The following FAF1 variants were observed in gnomAD, a reference collection of about 807,000 sequenced individuals.
FAF1 encodes the protein Fas associated factor 1.
A neutral mutation model predicts 92.5 loss-of-function variants in FAF1; 25 were observed. The ratio of observed to expected loss-of-function variants is 0.27; its 90% CI spans 0.20 to 0.38. The LOEUF is 0.38. FAF1 is among the 10% of genes least tolerant of loss of function. The pLI is 1.00. For synonymous variants in FAF1, 234 were observed against 273.2 expected (o/e 0.86, Z 1.42); for missense variants, 636 against 793.3 (o/e 0.80, Z 2.38).
chr1:50,618,215 T>C (rs1358776883), intron 8 of FAF1, among the ~76,000 whole-genome samples: 1 of 152,100 alleles, frequency 6.6e-6, no homozygotes, highest in Non-Finnish European at 1.5e-5. Context: ...TCTTTTAGTT[T>C]TTTTAGGTTT....
chr1:50,830,658 ATT>A lies in FAF1; in HGVS notation c.114+27269_114+27270del, dbSNP rs59396661. Among the ~76,000 whole-genome samples the A allele has an allele frequency of 8.6e-3, 1,231 of 143,760 alleles. 14 individuals are homozygous for A. Among genetic ancestry groups the A allele is most frequent in the African/African-American group, 0.029 (1,161 of 39,640 alleles). The allele number at this position is 143,760 out of a possible 152,430, so 94.3% of individuals were successfully genotyped here. On this transcript the variant is annotated intron_variant, in intron 2 of 18. Transcript: ENST00000396153. Reference sequence around the variant, plus strand: ...ATACTGTGGCTTCCTCCAGTGCTCAATTTTTTTTTTTTTTTTACCAACTCCAA... The same window carrying A: ...ATACTGTGGCTTCCTCCAGTGCTCAATTTTTTTTTTTTTTACCAACTCCAA...
chr1:50,552,917 A>AAG (rs1306504406), intron 13 of FAF1, among the ~76,000 whole-genome samples: 1 of 152,146 alleles, frequency 6.6e-6, no homozygotes, highest in Non-Finnish European at 1.5e-5. Flanking sequence ...GTTTATTTAA[A>AAG]AGAGAGAGAG....
At chr1:50,533,214 G>C (rs940461189) in intron 15 of FAF1, among the ~76,000 whole-genome samples, 1 of 151,892 alleles carries the variant, frequency 6.6e-6, no homozygotes, top group Non-Finnish European at 1.5e-5. Flanking sequence ...TGGGACTACA[G>C]GCACGCAACA....
chr1:50,902,560 C>T (rs185083070), intron 1 of FAF1, among the ~76,000 whole-genome samples: 2 of 152,140 alleles, frequency 1.3e-5, no homozygotes, highest in African/African-American at 4.8e-5. Flanking sequence ...CCTAAACTCA[C>T]CTCCCTTTAT....
At chr1:50,661,861 C>T (rs1655392816) in intron 7 of FAF1, among the ~76,000 whole-genome samples, 3 of 150,798 alleles carry the variant, frequency 2.0e-5, no homozygotes. Flanking sequence ...GCCTTCTTTT[C>T]CTCTTGTTTT....
chr1:50,729,342 AC>A (rs1658823013), intron 6 of FAF1, among the ~76,000 whole-genome samples: 2 of 151,790 alleles, frequency 1.3e-5, no homozygotes, highest in Admixed American at 6.6e-5. Context: ...GGTGTGAGCC[AC>A]CACGCCCGGC....
At chr1:50,907,491 T>C (rs868212095) in intron 1 of FAF1, among the ~76,000 whole-genome samples, 23 of 152,280 alleles carry the variant, frequency 1.5e-4, no homozygotes, top group African/African-American at 3.4e-4. Context: ...TAGAATTCGG[T>C]TGTGAATCCA....
chr1:50,906,011 C>G (rs539131309), intron 1 of FAF1, among the ~76,000 whole-genome samples: 132 of 152,186 alleles, frequency 8.7e-4, no homozygotes, highest in Non-Finnish European at 1.3e-3. Context: ...TATGGTTTTA[C>G]GTCTAACATT....
intron 15 of FAF1, among the ~76,000 whole-genome samples, chr1:50,502,934 C>T (rs1455278049): frequency 6.6e-6 from 1 of 151,262 alleles, no homozygotes; most frequent in African/African-American, 2.4e-5. Context: ...ATTTTTTTTT[C>T]CTGCCTCAGC....
intron 7 of FAF1, among the ~76,000 whole-genome samples, chr1:50,658,141 A>T (rs1655208678): frequency 6.6e-6 from 1 of 152,230 alleles, no homozygotes; most frequent in Admixed American, 6.5e-5. Context: ...GATGAAGGAT[A>T]GAAGAGGGAG....
intron 18 of FAF1, among the ~76,000 whole-genome samples, chr1:50,466,759 C>A (rs542949901): frequency 6.6e-6 from 1 of 152,112 alleles, no homozygotes; most frequent in Non-Finnish European, 1.5e-5. Context: ...TTTTATATAT[C>A]CTGTCCCCAA....
chr1:50,679,891 T>C (rs1359410786), intron 7 of FAF1, among the ~76,000 whole-genome samples: 1 of 152,180 alleles, frequency 6.6e-6, no homozygotes, highest in African/African-American at 2.4e-5. Flanking sequence ...ATAACAATAC[T>C]ACATAAATTC....
At chr1:50,498,129 CAA>C (rs1460852648) in intron 15 of FAF1, among the ~76,000 whole-genome samples, 1 of 152,016 alleles carries the variant, frequency 6.6e-6, no homozygotes, top group Non-Finnish European at 1.5e-5. Flanking sequence ...GATTGATCTT[CAA>C]CAAGGGTGGC....
intron 7 of FAF1, among the ~76,000 whole-genome samples, chr1:50,672,813 T>C (rs1655956515): frequency 6.6e-6 from 1 of 152,208 alleles, no homozygotes; most frequent in Non-Finnish European, 1.5e-5. Flanking sequence ...TTGTTTTTAA[T>C]AATGTTATTT....
At chr1:50,794,286 G>A (rs185434570) in intron 3 of FAF1, among the ~76,000 whole-genome samples, 361 of 152,244 alleles carry the variant, frequency 2.4e-3, no homozygotes, top group Non-Finnish European at 4.1e-3. Flanking sequence ...ATTTGGACTG[G>A]GAAGAGAAAA....
Position 50,491,859 on chromosome 1 carries a change from G to GA in FAF1, c.1495-59dup, listed in dbSNP as rs537867308. On this transcript the variant is annotated intron_variant, in intron 15 of 18. Transcript: ENST00000396153. ...TATAACTTTTTTTTGAAAAAAAAGAGAAAAAAAACTAATGGTAATCCCTTT... is the reference window on the plus strand; with the variant it reads ...TATAACTTTTTTTTGAAAAAAAAGAGAAAAAAAAACTAATGGTAATCCCTTT... 7.2e-4 allele frequency: 924 copies of GA among 1,280,360 alleles called. 8 individuals carry two copies. The highest frequency in any genetic ancestry group is 7.1e-3 in the Middle Eastern group (37 of 5,216). 79.3% of individuals were successfully genotyped at this position (1,280,360 alleles called of 1,614,324 possible).
At chr1:50,919,673 G>A (rs1388369411) in intron 1 of FAF1, among the ~76,000 whole-genome samples, 2 of 152,032 alleles carry the variant, frequency 1.3e-5, no homozygotes, top group African/African-American at 2.4e-5. Flanking sequence ...ATTTTTAGTA[G>A]AGACAGGGTT....
At chr1:50,534,539 GC>G (rs768938661) in intron 15 of FAF1, among the ~76,000 whole-genome samples, 3 of 152,100 alleles carry the variant, frequency 2.0e-5, no homozygotes, top group Non-Finnish European at 2.9e-5. Context: ...CTCCCAAAGT[GC>G]TGGGATTACA....
intron 2 of FAF1, among the ~76,000 whole-genome samples, chr1:50,825,857 C>T (rs1268584385): frequency 6.6e-6 from 1 of 151,968 alleles, no homozygotes; most frequent in Non-Finnish European, 1.5e-5. Flanking sequence ...GAAAACAGTA[C>T]TAAAAAGTTA....
Sources: allele counts gnomAD v4.1 joint callset (sites outside exome capture counted in the v4.1 genomes callset), GRCh38; gene constraint gnomAD v4.1.1; transcripts MANE v1.5; gene names NCBI Gene and HGNC (gene_info 2026-07-23, HGNC 2026-07-21).